TTN: variants seen among roughly 807,000 people sequenced by gnomAD.
The protein encoded by TTN is connectin.
In TTN, 1,525 loss-of-function variants were observed where a neutral mutation model predicts 3,223.0. That is an observed-to-expected ratio of 0.47 (90% CI 0.45 to 0.49). TTN has a LOEUF of 0.49. TTN is among the 20% of genes least tolerant of loss of function. TTN has a pLI of 0.00. For synonymous variants in TTN, 14,094 were observed against 15,161.0 expected (o/e 0.93, Z 5.17); for missense variants, 40,786 against 43,424.0 (o/e 0.94, Z 5.40).
Position 178,776,896 on chromosome 2 carries a change from T to C in TTN, c.4968A>G (p.Pro1656=). 1 of 1,612,868 alleles carries C rather than the reference T, an allele frequency of 6.2e-7. No individual in the cohort carries two copies. Among genetic ancestry groups the C allele is most frequent in the African/African-American group, 1.3e-5 (1 of 74,880 alleles). ...CCCGTGGGATGATTAACTTTCTCTCTGGCTCAGGCTCTGCAAACTCAACTT... is the reference window on the plus strand; with the variant it reads ...CCCGTGGGATGATTAACTTTCTCTCCGGCTCAGGCTCTGCAAACTCAACTT... The part of the protein sequence containing the change: ...NVEVEFAEPE[P]ERKLIIPRGT... Residue 1656 remains proline, a synonymous_variant, in exon 28 of 363, where the codon CCA becomes CCG. Transcript: ENST00000589042.
chr2:178,778,006 G>A, intron 24 of TTN, 31 bp from the exon 25 acceptor site: 3 of 1,606,542 alleles, frequency 1.9e-6, no homozygotes, highest in South Asian at 1.1e-5. Context: ...ATACTTTCGT[G>A]AGGCATAAAG....
Position 178,705,229 on chromosome 2 carries a change from A to G in TTN, c.29549T>C (p.Leu9850Pro). ...CTTGAGCAGTTCAAATGCTTGAAGAAGACCTCGGAAGTCAGTGATTCCATA... is the reference window on the plus strand; with the variant it reads ...CTTGAGCAGTTCAAATGCTTGAAGAGGACCTCGGAAGTCAGTGATTCCATA... ...RMYGITDFRG[L>P]LQAFELLKQS... The change falls in exon 103 of 363, where the codon CTT (leucine) becomes CCT (proline). Residue 9850 changes from leucine (L) to proline (P), a missense_variant. By Grantham distance (98) the Leu-to-Pro change is moderately conservative. Coordinates refer to ENST00000589042, the MANE Select transcript of TTN (RefSeq NM_001267550.2). The G allele has an allele frequency of 6.2e-7, 1 of 1,613,778 alleles. No homozygotes were observed. Among genetic ancestry groups the G allele is most frequent in the Non-Finnish European group, 8.5e-7 (1 of 1,179,746 alleles).
chr2:178,665,334 G>C (rs1288613376), intron 165 of TTN, 43 bp downstream of exon 165: 1 of 1,527,908 alleles, frequency 6.5e-7, no homozygotes, highest in Admixed American at 1.7e-5. Flanking sequence ...AAGAGCAGAG[G>C]ACAGATAATT....
chr2:178,762,647 C>T (rs890713737), intron 43 of TTN, among the ~76,000 whole-genome samples: 1 of 152,076 alleles, frequency 6.6e-6, no homozygotes, highest in Admixed American at 6.5e-5. Context: ...AATGAACTTG[C>T]TTTTAAAATA....
chr2:178,729,470 T>C lies in TTN; in HGVS notation c.18686A>G (p.Glu6229Gly). 1.2e-6 allele frequency: 2 copies of C among 1,613,602 alleles called. No homozygotes were observed. ...CCTGTTATTCTTCAGCCAAGTGACT[T>C]CAAACGGAGGTGTTCCCGTAACTTC... ...ECEVTGTPPF[E>G]VTWLKNNREI... Residue 6229 changes from glutamate to glycine, a missense_variant, in exon 64 of 363, where the codon GAA (glutamate) becomes GGA (glycine). Transcript: ENST00000589042.
rs1473079383 is a variant in TTN, at chr2:178,540,192, T to C, written c.97974A>G (p.Arg32658=). ...TKCNTTPTKI[R]EYTLTHLPQG... ...GAGGTAGGTGTGTTAGAGTATACTC[T>C]CGAATCTTGGTTGGAGTGGTGTTAC... Residue 32658 remains arginine (R), a synonymous_variant, in exon 351 of 363, where the codon CGA becomes CGG. Transcript: ENST00000589042. The C allele has an allele frequency of 5.6e-6, 9 of 1,613,752 alleles. No homozygotes were observed. Among genetic ancestry groups the C allele is most frequent in the Non-Finnish European group, 7.6e-6 (9 of 1,179,806 alleles).
chr2:178,790,143 T>C (rs761903945), intron 11 of TTN, 28 bp from the exon 12 acceptor site: 7 of 1,605,248 alleles, frequency 4.4e-6, no homozygotes, highest in Non-Finnish European at 5.1e-6. Flanking sequence ...AGTAAGAAAA[T>C]AGTCATTAAA....
chr2:178,621,840 C>A lies in TTN; in HGVS notation c.45082G>T (p.Glu15028Ter). Reference protein sequence around the residue: ...ARTSGMLTVLEEEAVFTKNLA... With the variant: ...ARTSGMLTVL The stretch of plus-strand genomic sequence containing the variant: ...TCACAAAGAATGACTTTACTCTTAC[C>A]CAGAACTGTCAGCATGCCAGAAGTT... Residue 15028 changes from glutamate (E) to a stop codon, truncating the protein, a stop_gained and splice_region_variant, in exon 244 of 363, where the codon GAA becomes TAA. Coordinates refer to ENST00000589042, the MANE Select transcript of TTN (RefSeq NM_001267550.2). LOFTEE classifies it high-confidence loss of function. 1 of 1,611,896 alleles carries A rather than the reference C, an allele frequency of 6.2e-7. No homozygotes were observed. The highest frequency in any genetic ancestry group is 8.5e-7 in the Non-Finnish European group (1 of 1,178,880).
intron 98 of TTN, 49 bp from the exon 99 acceptor site, chr2:178,709,905 C>T: frequency 1.3e-6 from 2 of 1,533,308 alleles, no homozygotes; most frequent in Non-Finnish European, 1.8e-6. Flanking sequence ...AAGCAGATTA[C>T]TAATATGAAG....
At position 178,722,077 on chromosome 2, in the gene TTN, C is replaced by A. The variant is rs1194135723; in HGVS notation, c.22586G>T (p.Gly7529Val). 6.2e-7 allele frequency: 1 copy of A among 1,610,438 alleles called. No individual in the cohort carries two copies. Among genetic ancestry groups the A allele is most frequent in the African/African-American group, 1.3e-5 (1 of 74,942 alleles). ...ATGACACTCAAAATCAGCACTTTCT[C>A]CAGCAATAACATCTATAGATACAGG... is the stretch of plus-strand genomic sequence containing the variant. ...IKPVSIDVIA[G>V]ESADFECHVT... Residue 7529 changes from glycine (G) to valine (V), a missense_variant, in exon 78 of 363, where the codon GGA becomes GTA. Transcript: ENST00000589042.
chr2:178,637,118 T>C (rs1260837441), intron 224 of TTN, among the ~76,000 whole-genome samples: 2 of 136,910 alleles, frequency 1.5e-5, no homozygotes, highest in Non-Finnish European at 3.1e-5. Context: ...TAAGAACTTA[T>C]GGGATTCACT....
Position 178,704,246 on chromosome 2 carries a change from C to A in TTN, c.30124G>T (p.Val10042Phe). 1 of 1,614,026 alleles carries A rather than the reference C, an allele frequency of 6.2e-7. No individual in the cohort carries two copies. The highest frequency in any genetic ancestry group is 8.5e-7 in the Non-Finnish European group (1 of 1,179,888). ...ACATCTGCAATGGTCAATTTATGGA[C>A]TTTGTGTTCCACTTCTGTTTTATGT... ...GRHKTEVEHKVHKLTIADVRA... is the reference protein window; with the variant it reads ...GRHKTEVEHKFHKLTIADVRA... The change falls in exon 106 of 363, where the codon GTC becomes TTC. Residue 10042 changes from valine (V) to phenylalanine (F), a missense_variant. Val to Phe is a conservative substitution (Grantham distance 50). Coordinates refer to ENST00000589042, the MANE Select transcript of TTN (RefSeq NM_001267550.2).
At position 178,778,679 on chromosome 2, in the gene TTN, C is replaced by A. The variant is rs1273090963; in HGVS notation, c.4208+195G>T. 4 of 703,682 alleles carry A rather than the reference C, an allele frequency of 5.7e-6. No homozygotes were observed. In the African/African-American group the frequency reaches 7.1e-5, roughly 13 times the overall value. The allele number at this position is 703,682 out of a possible 1,614,324, so 43.6% of individuals were successfully genotyped here. ...CACTAGGAAAATAAACAGTATGTTA[C>A]ACTGATGAAAATTCTTTGCTCATCT... On this transcript the variant is annotated intron_variant, in intron 24 of 362. Transcript: ENST00000589042.
Position 178,718,127 on chromosome 2 carries a change from A to G in TTN, c.24879T>C (p.Ile8293=), listed in dbSNP as rs1221548315. 1.9e-6 allele frequency: 3 copies of G among 1,610,754 alleles called. No homozygotes were observed. The highest frequency in any genetic ancestry group is 2.5e-6 in the Non-Finnish European group (3 of 1,179,676). ...LQCKVDGTPE[I]RISWYKEHTK... is the part of the protein sequence containing the mutation. ...TGTGTTCTTTATACCAAGAAATTCT[A>G]ATTTCTGGAGTTCCATCCACTTTAC... The change falls in exon 86 of 363, where the codon ATT becomes ATC. Residue 8293 remains isoleucine, a synonymous_variant. Transcript: ENST00000589042.
intron 47 of TTN, chr2:178,750,654 T>C (rs1319876382): frequency 6.2e-7 from 1 of 1,612,846 alleles, no homozygotes; most frequent in South Asian, 1.1e-5. Flanking sequence ...AATTCATCAA[T>C]TCGTGTAGAA....
At chr2:178,604,412 A>G in intron 281 of TTN, 107 bp from the exon 282 acceptor site, 1 of 948,614 alleles carries the variant, frequency 1.1e-6, no homozygotes, top group Non-Finnish European at 1.4e-6. Context: ...AAGAAGAAAT[A>G]AATATATAGA....
At position 178,621,366 on chromosome 2, in the gene TTN, G is replaced by T; in HGVS notation, c.45352C>A (p.Leu15118Met). The part of the protein sequence containing the change: ...RTDGKVKVHE[L>M]AAEFISKPQN... ...GGCTTTGAGATAAATTCAGCAGCCA[G>T]TTCTGGGAAGAAAAAGTTACAAGAT... The change falls in exon 246 of 363, where the codon CTG becomes ATG. Residue 15118 changes from leucine to methionine, a missense_variant and splice_region_variant. Leu to Met is a conservative substitution (Grantham distance 15, BLOSUM62 2). Coordinates refer to ENST00000589042, the MANE Select transcript of TTN (RefSeq NM_001267550.2). 1 of 1,608,462 alleles carries T rather than the reference G, an allele frequency of 6.2e-7. No individual in the cohort carries two copies. Among genetic ancestry groups the T allele is most frequent in the Non-Finnish European group, 8.5e-7 (1 of 1,178,266 alleles).
Position 178,731,054 on chromosome 2 carries a change from T to C in TTN, c.17611A>G (p.Ile5871Val), listed in dbSNP as rs1418015513. 3.1e-6 allele frequency: 5 copies of C among 1,613,584 alleles called. No individual in the cohort carries two copies. The African/African-American group carries it at 4.0e-5, about 13-fold the overall frequency. The change falls in exon 60 of 363, where the codon ATC becomes GTC. Residue 5871 changes from isoleucine to valine, a missense_variant. By Grantham distance (29) the Ile-to-Val change is conservative. Coordinates refer to ENST00000589042, the MANE Select transcript of TTN (RefSeq NM_001267550.2). ...QELTLGSKYK[I>V]SVTDTVSILK... ...ATTGAGACTGTATCAGTGACACTGA[T>C]TTTATATTTTGAGCCCAGGGTCAGT...
In TTN at chr2:178,681,697, G is replaced by A. The variant is rs775021272; in HGVS notation, c.33136C>T (p.Pro11046Ser). 6.2e-7 allele frequency: 1 copy of A among 1,605,480 alleles called. No individual in the cohort carries two copies. Among genetic ancestry groups the A allele is most frequent in the South Asian group, 1.1e-5 (1 of 88,594 alleles). ...PIPVKPVPEE[P>S]VPTKPKAPPA... is the part of the protein sequence containing the mutation. ...GGGGCCTTTGGTTTTGTGGGAACTGGTTCTTCTGGGACAGGCTTTACAGGG... is the reference window on the plus strand; with the variant it reads ...GGGGCCTTTGGTTTTGTGGGAACTGATTCTTCTGGGACAGGCTTTACAGGG... The change falls in exon 136 of 363, where the codon CCA (proline) becomes TCA (serine). Residue 11046 changes from proline to serine, a missense_variant. By Grantham distance (74) the Pro-to-Ser change is moderately conservative. Coordinates refer to ENST00000589042, the MANE Select transcript of TTN (RefSeq NM_001267550.2).
Sources: gnomAD v4.1 joint callset for allele counts (sites outside exome capture counted in the v4.1 genomes callset) on GRCh38, gnomAD v4.1.1 for gene constraint, MANE v1.5 for transcripts, NCBI Gene and HGNC (gene_info 2026-07-23, HGNC 2026-07-21) for gene names.